Variants in STPG2 observed in about 807,000 individuals in gnomAD.
STPG2 encodes sperm tail PG-rich repeat containing 2.
In STPG2, 56 loss-of-function variants were observed where a neutral mutation model predicts 54.2. The ratio of observed to expected loss-of-function variants is 1.03; its 90% CI spans 0.83 to 1.29. The LOEUF (loss-of-function observed/expected upper bound fraction) is 1.29. STPG2 is among the 50% of genes most tolerant of loss of function. The pLI, the probability that STPG2 is intolerant of heterozygous loss-of-function variation, is 0.00. For synonymous variants in STPG2, 200 were observed against 181.8 expected (o/e 1.10, Z -0.81); for missense variants, 596 against 544.9 (o/e 1.09, Z -0.93).
intron 9 of STPG2, among the ~76,000 whole-genome samples, chr4:97,831,771 A>C (rs534863597): frequency 1.1e-4 from 17 of 152,362 alleles, no homozygotes; most frequent in African/African-American, 4.1e-4. Flanking sequence ...AAAATCTAGA[A>C]GAAATGGATA....
At chr4:97,688,807 A>G (rs1259385705) in intron 10 of STPG2, among the ~76,000 whole-genome samples, 1 of 152,256 alleles carries the variant, frequency 6.6e-6, no homozygotes, top group Non-Finnish European at 1.5e-5. Flanking sequence ...ATAAACTGAC[A>G]GCAAATGTAT....
chr4:98,085,285 C>G (rs146885558), intron 5 of STPG2, among the ~76,000 whole-genome samples: 6 of 152,116 alleles, frequency 3.9e-5, no homozygotes, highest in Non-Finnish European at 7.4e-5. Context: ...CTAATTTTTA[C>G]TGTCTATATG....
intron 9 of STPG2, among the ~76,000 whole-genome samples, chr4:97,795,010 C>A (rs1483839005): frequency 6.6e-6 from 1 of 152,088 alleles, no homozygotes; most frequent in Non-Finnish European, 1.5e-5. Context: ...AAAAATACAG[C>A]CACTATAATA....
intron 4 of STPG2, among the ~76,000 whole-genome samples, chr4:97,481,091 G>GA (rs1730209502): frequency 6.6e-6 from 1 of 151,354 alleles, no homozygotes; most frequent in South Asian, 2.1e-4. Context: ...ATGACATAGA[G>GA]AAAAAACACA....
chr4:97,450,703 G>T (rs1729344423), intron 4 of STPG2, among the ~76,000 whole-genome samples: 1 of 152,100 alleles, frequency 6.6e-6, no homozygotes, highest in African/African-American at 2.4e-5. Flanking sequence ...GCCTCATGAG[G>T]GATAGTGCCA....
chr4:97,479,750 C>G lies in STPG2; in HGVS notation c.462+232949G>C, dbSNP rs931079499. ...GACAGAATAACAAAGACAAAATTTACTCTCTTTTATTCAACTCCTAGAAAA... is the reference window on the plus strand; with the variant it reads ...GACAGAATAACAAAGACAAAATTTAGTCTCTTTTATTCAACTCCTAGAAAA... On this transcript the variant is annotated intron_variant, in intron 4 of 4. Transcript: ENST00000522676. Among the ~76,000 whole-genome samples, 17 of 151,954 alleles carry G rather than the reference C, an allele frequency of 1.1e-4. No individual in the cohort carries two copies. The South Asian group carries it at 3.3e-3, about 30-fold the overall frequency.
chr4:97,859,466 CTT>C (rs70953089), intron 8 of STPG2, among the ~76,000 whole-genome samples: 390 of 129,072 alleles, frequency 3.0e-3, no homozygotes, highest in African/African-American at 8.5e-3. Context: ...CTTTTCTTTT[CTT>C]TTTTTTTTTT....
At chr4:97,879,496 T>A (rs982327103) in intron 8 of STPG2, among the ~76,000 whole-genome samples, 1 of 152,122 alleles carries the variant, frequency 6.6e-6, no homozygotes, top group African/African-American at 2.4e-5. Flanking sequence ...AGAATGAGAA[T>A]GAAGCAAAAG....
chr4:97,480,286 A>C (rs1471761248), intron 4 of STPG2, among the ~76,000 whole-genome samples: 1 of 151,720 alleles, frequency 6.6e-6, no homozygotes. Context: ...AAGAAATTGA[A>C]TATCATTTAA....
At chr4:98,053,832 A>G (rs1190725697) in intron 5 of STPG2, among the ~76,000 whole-genome samples, 1 of 152,180 alleles carries the variant, frequency 6.6e-6, no homozygotes, top group Non-Finnish European at 1.5e-5. Flanking sequence ...AAACAAAGAT[A>G]GTTATATATG....
chr4:97,656,891 A>T (rs773051013), intron 10 of STPG2, among the ~76,000 whole-genome samples: 1 of 151,966 alleles, frequency 6.6e-6, no homozygotes, highest in Admixed American at 6.6e-5. Flanking sequence ...ATGAGTTTAG[A>T]AGGAAACTTT....
intron 8 of STPG2, among the ~76,000 whole-genome samples, chr4:97,931,011 A>G (rs530673655): frequency 6.6e-6 from 1 of 152,302 alleles, no homozygotes; most frequent in South Asian, 2.1e-4. Flanking sequence ...TGAAAATATT[A>G]ATGACATTTG....
At chr4:98,024,945 G>C (rs1736364970) in intron 5 of STPG2, among the ~76,000 whole-genome samples, 1 of 152,112 alleles carries the variant, frequency 6.6e-6, no homozygotes, top group Non-Finnish European at 1.5e-5. Context: ...TCAAAACTCA[G>C]GTCTTTAGGA....
At chr4:97,570,973 G>A (rs1732585400) in intron 10 of STPG2, among the ~76,000 whole-genome samples, 1 of 152,046 alleles carries the variant, frequency 6.6e-6, no homozygotes. Flanking sequence ...TTTTTCCCCT[G>A]CAGAACTTAA....
intron 10 of STPG2, among the ~76,000 whole-genome samples, chr4:97,705,936 C>T (rs961235172): frequency 1.4e-4 from 21 of 151,790 alleles, no homozygotes; most frequent in African/African-American, 4.6e-4. Context: ...CTATAACATA[C>T]AGTCCCACTG....
intron 9 of STPG2, among the ~76,000 whole-genome samples, chr4:97,754,389 G>A (rs1010211007): frequency 6.6e-6 from 1 of 152,018 alleles, no homozygotes; most frequent in Non-Finnish European, 1.5e-5. Context: ...GCTTTCCTCA[G>A]CATTTTTCTG....
chr4:97,604,034 C>G (rs1172217550), intron 10 of STPG2, among the ~76,000 whole-genome samples: 1 of 151,684 alleles, frequency 6.6e-6, no homozygotes, highest in African/African-American at 2.4e-5. Context: ...AAAATATACT[C>G]TCCATTTCTG....
At chr4:98,040,072 T>A (rs889763498) in intron 5 of STPG2, among the ~76,000 whole-genome samples, 2 of 151,888 alleles carry the variant, frequency 1.3e-5, no homozygotes, top group African/African-American at 2.4e-5. Flanking sequence ...CTCTGATGAT[T>A]AGTGATATTG....
In STPG2 at chr4:98,009,597, T is replaced by G. The variant is rs192795572; in HGVS notation, c.613-28279A>C. Reference sequence around the variant, plus strand: ...TCTGTATATGTCTGTTAGGTCCATTTGGCCTAAAGTACAGTTCAAATCCAA... The same window carrying G: ...TCTGTATATGTCTGTTAGGTCCATTGGGCCTAAAGTACAGTTCAAATCCAA... On this transcript the variant is annotated intron_variant, in intron 5 of 10. Transcript: ENST00000295268. Among the ~76,000 whole-genome samples, 430 of 152,206 alleles carry G rather than the reference T, an allele frequency of 2.8e-3. 1 individual carries two copies. Among genetic ancestry groups the G allele is most frequent in the Non-Finnish European group, 4.4e-3 (298 of 67,940 alleles).
Sources: allele counts gnomAD v4.1 joint callset (sites outside exome capture counted in the v4.1 genomes callset), GRCh38; gene constraint gnomAD v4.1.1; transcripts MANE v1.5; gene names NCBI Gene and HGNC (gene_info 2026-07-23, HGNC 2026-07-21).